The following SND1 variants were observed in gnomAD, a reference collection of about 807,000 sequenced individuals.
The protein encoded by SND1 is staphylococcal nuclease and tudor domain containing 1, also known as staphylococcal nuclease domain-containing protein 1.
A neutral mutation model predicts 121.7 loss-of-function variants in SND1; 38 were observed. The observed-to-expected ratio is 0.31, with a 90% CI of 0.24 to 0.41. The LOEUF (loss-of-function observed/expected upper bound fraction) is 0.41. Ranked by LOEUF, SND1 falls within the 10% of genes least tolerant of loss-of-function variation. The pLI is 1.00. For missense variants in SND1, 868 were observed against 1,184.6 expected (o/e 0.73, Z 3.92); for synonymous variants, 401 against 447.4 (o/e 0.90, Z 1.31).
chr7:128,044,336 G>A (rs1376950696), intron 16 of SND1, among the ~76,000 whole-genome samples: 1 of 152,134 alleles, frequency 6.6e-6, no homozygotes, highest in Non-Finnish European at 1.5e-5. Flanking sequence ...AAAGGGACAG[G>A]CAGACTCCTA....
At chr7:128,020,440 T>C (rs1803323584) in intron 16 of SND1, among the ~76,000 whole-genome samples, 1 of 152,188 alleles carries the variant, frequency 6.6e-6, no homozygotes, top group South Asian at 2.1e-4. Flanking sequence ...AGACTACAGG[T>C]AAGGTCTCTG....
At chr7:127,663,567 G>A (rs966079766) in intron 1 of SND1, among the ~76,000 whole-genome samples, 1 of 151,994 alleles carries the variant, frequency 6.6e-6, no homozygotes, top group African/African-American at 2.4e-5. Context: ...TAGTAGAGAT[G>A]GGGTTTCACC....
intron 15 of SND1, among the ~76,000 whole-genome samples, chr7:127,932,916 G>A (rs1563062605): frequency 6.6e-6 from 1 of 152,182 alleles, no homozygotes; most frequent in Non-Finnish European, 1.5e-5. Flanking sequence ...CTTCATTGCA[G>A]TGGTCTGGAA....
At chr7:127,719,873 A>G (rs1796461317) in intron 9 of SND1, among the ~76,000 whole-genome samples, 2 of 152,024 alleles carry the variant, frequency 1.3e-5, no homozygotes, top group Non-Finnish European at 2.9e-5. Flanking sequence ...TTGTTTTTTC[A>G]TTCATTCTGT....
chr7:128,062,017 T>C (rs1793239010), intron 16 of SND1, among the ~76,000 whole-genome samples: 1 of 152,246 alleles, frequency 6.6e-6, no homozygotes, highest in Non-Finnish European at 1.5e-5. Flanking sequence ...TTTGAAACAG[T>C]TTGGGAACAT....
chr7:127,996,826 T>G (rs2116925452), intron 16 of SND1, among the ~76,000 whole-genome samples: 1 of 152,288 alleles, frequency 6.6e-6, no homozygotes, highest in African/African-American at 2.4e-5. Context: ...TAAATAGCTC[T>G]CTCATCCCAC....
chr7:128,032,891 G>A (rs1203834500), intron 16 of SND1, among the ~76,000 whole-genome samples: 1 of 152,236 alleles, frequency 6.6e-6, no homozygotes, highest in African/African-American at 2.4e-5. Context: ...TGGCAGGAAT[G>A]ACCAAGTGTG....
At chr7:128,055,016 A>T (rs903055822) in intron 16 of SND1, among the ~76,000 whole-genome samples, 1 of 152,184 alleles carries the variant, frequency 6.6e-6, no homozygotes, top group South Asian at 2.1e-4. Context: ...TGCCCGATCT[A>T]TTGGCCTGCA....
chr7:128,031,710 A>AGAGTCCGGGGGCGGGCGC (rs1792610072), intron 16 of SND1: 2 of 141,382 alleles, frequency 1.4e-5, no homozygotes, highest in Admixed American at 1.4e-4. Context: ...GCCCCTTCAG[A>AGAGTCCGGGGGCGGGCGC]GAGTCCGGGG....
chr7:127,873,206 G>C (rs1799630047), intron 12 of SND1, among the ~76,000 whole-genome samples: 1 of 152,046 alleles, frequency 6.6e-6, no homozygotes, highest in Admixed American at 6.6e-5. Flanking sequence ...TGAAACTGTT[G>C]GGTTTCAGGT....
rs144391978 is a variant in SND1 at position 127,729,722 on chromosome 7, C to T, written c.1152+8322C>T. ...GACAAGTATGTGTGTGTGTTGTGGT[C>T]GGTCACCAGGTAGACTTTAGACTGG... On this transcript the variant is annotated intron_variant, in intron 10 of 23. Coordinates refer to ENST00000354725, the MANE Select transcript of SND1 (RefSeq NM_014390.4). Among the ~76,000 whole-genome samples, 1,456 of 152,132 alleles carry T rather than the reference C, an allele frequency of 9.6e-3. 11 individuals are homozygous for T. Among genetic ancestry groups the T allele is most frequent in the Middle Eastern group, 0.014 (4 of 294 alleles).
intron 1 of SND1, among the ~76,000 whole-genome samples, chr7:127,665,180 A>G (rs1167470824): frequency 2.7e-4 from 41 of 150,676 alleles, no homozygotes; most frequent in Non-Finnish European, 1.0e-4. Context: ...AATCGTTTTG[A>G]CAGTCAACAT....
At chr7:127,711,822 T>C (rs1054811818) in intron 9 of SND1, among the ~76,000 whole-genome samples, 1 of 152,122 alleles carries the variant, frequency 6.6e-6, no homozygotes, top group African/African-American at 2.4e-5. Context: ...ATTGACATGA[T>C]ACTGTTTTAT....
chr7:128,091,993 C>T lies in SND1; in HGVS notation c.2668C>T (p.Leu890=). 6.2e-7 allele frequency: 1 copy of T among 1,614,170 alleles called. No individual in the cohort carries two copies. The highest frequency in any genetic ancestry group is 8.5e-7 in the Non-Finnish European group (1 of 1,180,008). Reference sequence around the variant, plus strand: ...AGCTATTGTCTGTTTTTTCTTACAGCTGAACCTGTGGCGCTATGGAGACTT... The same window carrying T: ...AGCTATTGTCTGTTTTTTCTTACAGTTGAACCTGTGGCGCTATGGAGACTT... The part of the protein sequence containing the change: ...NAQESAKSAR[L]NLWRYGDFRA... Residue 890 remains leucine, a splice_region_variant and synonymous_variant, in exon 24 of 24, where the codon CTG becomes TTG. Transcript: ENST00000354725.
chr7:127,772,364 T>C (rs951430573), intron 10 of SND1, among the ~76,000 whole-genome samples: 1 of 152,202 alleles, frequency 6.6e-6, no homozygotes, highest in Admixed American at 6.5e-5. Context: ...CACAAAACCC[T>C]TACTGTAAAT....
chr7:127,796,104 T>A (rs369372359), intron 10 of SND1, among the ~76,000 whole-genome samples: 12 of 151,862 alleles, frequency 7.9e-5, no homozygotes, highest in Non-Finnish European at 1.2e-4. Flanking sequence ...TGATCCGCCC[T>A]CCTTGGCCTC....
chr7:128,074,668 C>A lies in SND1; in HGVS notation c.1946C>A (p.Ala649Asp). 6.2e-7 allele frequency: 1 copy of A among 1,612,728 alleles called. No individual in the cohort carries two copies. The highest frequency in any genetic ancestry group is 1.7e-4 in the Middle Eastern group (1 of 6,054). Residue 649 changes from alanine (A) to aspartate (D), a missense_variant, in exon 17 of 24, where the codon GCC becomes GAC. By Grantham distance (126) the Ala-to-Asp change is moderately radical. Transcript: ENST00000354725. ...AAGTCCCTGCTGTCTGCCGAGGAGG[C>A]CGCAAAGCAGAAGAAAGAGAAGGTA... ...YYKSLLSAEE[A>D]AKQKKEKVWA...
At chr7:128,019,733 AGAC>A (rs1803304350) in intron 16 of SND1, among the ~76,000 whole-genome samples, 1 of 152,258 alleles carries the variant, frequency 6.6e-6, no homozygotes, top group South Asian at 2.1e-4. Flanking sequence ...ATCATGAAGA[AGAC>A]AAATTCTAAT....
chr7:127,897,912 A>C (rs1024213213), intron 13 of SND1, among the ~76,000 whole-genome samples: 1 of 152,098 alleles, frequency 6.6e-6, no homozygotes, highest in Non-Finnish European at 1.5e-5. Flanking sequence ...TCAGAACAGC[A>C]AAAACTATAA....
Sources: allele counts gnomAD v4.1 joint callset (sites outside exome capture counted in the v4.1 genomes callset), GRCh38; gene constraint gnomAD v4.1.1; transcripts MANE v1.5; gene names NCBI Gene and HGNC (gene_info 2026-07-23, HGNC 2026-07-21).